Variants in PEX5L observed in about 807,000 individuals in gnomAD.
PEX5L encodes peroxisomal biogenesis factor 5 like.
PEX5L carries 30 observed loss-of-function variants against 84.0 expected under a neutral mutation model. The observed-to-expected ratio is 0.36, with a 90% CI of 0.27 to 0.48. The LOEUF (loss-of-function observed/expected upper bound fraction) is 0.48. Ranked by LOEUF, PEX5L falls within the 20% of genes least tolerant of loss-of-function variation. The pLI is 0.99. For synonymous variants in PEX5L, 270 were observed against 283.1 expected, an observed-to-expected ratio of 0.95 and a Z score of 0.46; for missense variants, 533 against 754.6, an observed-to-expected ratio of 0.71 and a Z score of 3.44.
chr3:180,000,818 G>A (rs1788330994), intron 1 of PEX5L, among the ~76,000 whole-genome samples: 1 of 152,130 alleles, frequency 6.6e-6, no homozygotes, highest in Non-Finnish European at 1.5e-5. Flanking sequence ...GTTGTACGAG[G>A]ATAGTTGTAT....
At position 179,796,448 on chromosome 3, in the gene PEX5L, T is replaced by C. The variant is rs1244730812; in HGVS notation, c.*5380A>G. The C allele has an allele frequency of 6.6e-6, 1 of 152,176 alleles. No homozygotes were observed. The highest frequency in any genetic ancestry group is 1.5e-5 in the Non-Finnish European group (1 of 68,020). 9.4% of individuals were successfully genotyped at this position (152,176 alleles called of 1,614,324 possible). ...GTATTTCTGCAGAAGCTGCAGGTAG[T>C]GGAAACTTCGTTCAAGGCAAAATAC... is the stretch of plus-strand genomic sequence containing the variant. On this transcript the variant is annotated 3_prime_UTR_variant, in exon 15 of 15. Transcript: ENST00000467460.
Position 180,036,901 on chromosome 3 carries a change from A to C in PEX5L, c.-302T>G. 1 of 462,992 alleles carries C rather than the reference A, an allele frequency of 2.2e-6. No homozygotes were observed. The highest frequency in any genetic ancestry group is 3.5e-5 in the East Asian group (1 of 28,226). The allele number at this position is 462,992 out of a possible 1,614,324, so 28.7% of individuals were successfully genotyped here. On this transcript the variant is annotated 5_prime_UTR_variant, in exon 1 of 15. Transcript: ENST00000467460. Reference sequence around the variant, plus strand: ...GTCCTGCTCGCGGGGCGTCTCTAGAACTCACTCCTTCTTCGCCGAACTCTT... The same window carrying C: ...GTCCTGCTCGCGGGGCGTCTCTAGACCTCACTCCTTCTTCGCCGAACTCTT...
At chr3:179,835,946 A>G (rs1429930402) in intron 8 of PEX5L, among the ~76,000 whole-genome samples, 1 of 152,136 alleles carries the variant, frequency 6.6e-6, no homozygotes, top group Non-Finnish European at 1.5e-5. Context: ...GTATTTTTTG[A>G]TCAAATACTT....
chr3:179,873,199 T>C (rs1750963077), intron 7 of PEX5L, among the ~76,000 whole-genome samples: 1 of 152,222 alleles, frequency 6.6e-6, no homozygotes, highest in Non-Finnish European at 1.5e-5. Context: ...AGTTTCACTG[T>C]CTATAAAATT....
In PEX5L at chr3:179,801,302, T is replaced by G. The variant is rs554371848; in HGVS notation, c.*526A>C. 1 of 154,538 alleles carries G rather than the reference T, an allele frequency of 6.5e-6. No homozygotes were observed. Among genetic ancestry groups the G allele is most frequent in the East Asian group, 1.9e-4 (1 of 5,232 alleles). 9.6% of individuals were successfully genotyped at this position (154,538 alleles called of 1,614,324 possible). On this transcript the variant is annotated 3_prime_UTR_variant, in exon 15 of 15. Coordinates refer to ENST00000467460, the MANE Select transcript of PEX5L (RefSeq NM_016559.3). ...CCTCTCTGGAATCAAAGGGCTACAG[T>G]AAAAGTTAAAATTGGAACAGGTTTA... is the stretch of plus-strand genomic sequence containing the variant.
chr3:179,823,319 G>A (rs1243856837), intron 8 of PEX5L, among the ~76,000 whole-genome samples: 1 of 152,070 alleles, frequency 6.6e-6, no homozygotes. Flanking sequence ...ATAATGGACT[G>A]TTACGCAGCA....
At chr3:179,899,201 A>C (rs7641809) in intron 2 of PEX5L, among the ~76,000 whole-genome samples, 40,416 of 151,928 alleles carry the variant, frequency 0.27, 6,290 homozygotes, top group East Asian at 0.61. Flanking sequence ...AAAGCCCCCC[A>C]AAATATTACC....
In PEX5L at chr3:179,960,370, G is replaced by T. The variant is rs79264714; in HGVS notation, c.93+11224C>A. ...GTATGAATGGGGCATGAAGTTGAGG[G>T]GGCATTAGATAAGCACAATGAGGTA... On this transcript the variant is annotated intron_variant, in intron 2 of 14. Transcript: ENST00000467460. Among the ~76,000 whole-genome samples, 1,413 of 152,270 alleles carry T rather than the reference G, an allele frequency of 9.3e-3. 60 individuals carry two copies. In the East Asian group the frequency reaches 0.11, roughly 12 times the overall value.
chr3:179,868,042 C>CTTTTTTTTTTTTTT, intron 7 of PEX5L, among the ~76,000 whole-genome samples: 1 of 116,360 alleles, frequency 8.6e-6, no homozygotes, highest in Non-Finnish European at 1.8e-5. Flanking sequence ...TCTTCTTCTT[C>CTTTTTTTTTTTTTT]TTTTTTTTTT....
chr3:179,811,464 A>AT (rs951039515), intron 11 of PEX5L, among the ~76,000 whole-genome samples: 2 of 151,838 alleles, frequency 1.3e-5, no homozygotes, highest in Non-Finnish European at 1.5e-5. Context: ...TACTCCACTT[A>AT]TTTTTTTTGA....
chr3:179,981,805 G>GA (rs11294284), intron 1 of PEX5L, among the ~76,000 whole-genome samples: 4,513 of 149,828 alleles, frequency 0.03, 109 homozygotes, highest in Middle Eastern at 0.08. Context: ...CATGCTATTT[G>GA]AAAAAAAAAA....
chr3:180,011,578 G>A (rs1427905333), intron 1 of PEX5L, among the ~76,000 whole-genome samples: 1 of 152,072 alleles, frequency 6.6e-6, no homozygotes, highest in Non-Finnish European at 1.5e-5. Flanking sequence ...ATTTAAAAAC[G>A]TGGAAAAAAG....
chr3:179,962,467 T>C (rs1024329429), intron 2 of PEX5L, among the ~76,000 whole-genome samples: 14 of 152,242 alleles, frequency 9.2e-5, no homozygotes, highest in African/African-American at 3.4e-4. Context: ...TAGAACAATA[T>C]CTTTTCATCA....
chr3:179,984,012 T>C (rs1445256956), intron 1 of PEX5L, among the ~76,000 whole-genome samples: 3 of 152,046 alleles, frequency 2.0e-5, no homozygotes, highest in African/African-American at 4.8e-5. Flanking sequence ...CCATTCAAAG[T>C]GTAAGGGAGA....
At chr3:180,011,387 A>C (rs1789466217) in intron 1 of PEX5L, among the ~76,000 whole-genome samples, 1 of 152,242 alleles carries the variant, frequency 6.6e-6, no homozygotes, top group African/African-American at 2.4e-5. Context: ...ACTAATTACC[A>C]AAAAGGGCAG....
intron 1 of PEX5L, among the ~76,000 whole-genome samples, chr3:179,999,260 G>A (rs1788171929): frequency 6.6e-6 from 1 of 152,184 alleles, no homozygotes; most frequent in Non-Finnish European, 1.5e-5. Context: ...TCCCATGTGA[G>A]TGCTCACCAA....
chr3:179,939,987 A>G (rs1214743903), intron 2 of PEX5L, among the ~76,000 whole-genome samples: 2 of 152,244 alleles, frequency 1.3e-5, no homozygotes, highest in East Asian at 3.8e-4. Context: ...CTCCATGAGC[A>G]CATCCTAGAA....
At chr3:180,019,746 GA>G (rs1289686514) in intron 1 of PEX5L, among the ~76,000 whole-genome samples, 1 of 152,160 alleles carries the variant, frequency 6.6e-6, no homozygotes, top group African/African-American at 2.4e-5. Context: ...TAATTAGTTT[GA>G]GGGTATAATT....
At chr3:179,842,989 G>C (rs1737868639) in intron 8 of PEX5L, among the ~76,000 whole-genome samples, 1 of 151,852 alleles carries the variant, frequency 6.6e-6, no homozygotes. Context: ...AATCATACTA[G>C]ATGTTCTCTT....
Sources: allele counts gnomAD v4.1 joint callset (sites outside exome capture counted in the v4.1 genomes callset), GRCh38; gene constraint gnomAD v4.1.1; transcripts MANE v1.5; gene names NCBI Gene and HGNC (gene_info 2026-07-23, HGNC 2026-07-21).